The following DGKI variants were observed in gnomAD, a reference collection of about 807,000 sequenced individuals.
DGKI encodes the protein DAG kinase iota.
DGKI carries 55 observed loss-of-function variants against 147.5 expected under a neutral mutation model. That is an observed-to-expected ratio of 0.37 (90% CI 0.30 to 0.47). DGKI has a LOEUF of 0.47. DGKI is among the 20% of genes least tolerant of loss of function. DGKI has a pLI of 1.00. For synonymous variants in DGKI, 469 were observed against 477.1 expected, an observed-to-expected ratio of 0.98 and a Z score of 0.22; for missense variants, 1,007 against 1,323.8, an observed-to-expected ratio of 0.76 and a Z score of 3.71.
intron 20 of DGKI, among the ~76,000 whole-genome samples, chr7:137,547,678 A>C (rs1817910422): frequency 6.6e-6 from 1 of 152,212 alleles, no homozygotes; most frequent in Non-Finnish European, 1.5e-5. Flanking sequence ...ACAGACACTG[A>C]GGATCCTAAG....
intron 1 of DGKI, among the ~76,000 whole-genome samples, chr7:137,800,018 C>T (rs1036683415): frequency 2.6e-5 from 4 of 152,118 alleles, no homozygotes; most frequent in African/African-American, 9.7e-5. Flanking sequence ...GAAGCAAATA[C>T]CAGGGGTGGC....
At chr7:137,466,062 A>C in intron 25 of DGKI, 27 bp from the exon 26 acceptor site, 1 of 1,611,048 alleles carries the variant, frequency 6.2e-7, no homozygotes, top group Non-Finnish European at 8.5e-7. Context: ...AGTCTGTTGC[A>C]TGAAGAATAA....
chr7:137,633,952 G>A (rs1821224041), intron 6 of DGKI, among the ~76,000 whole-genome samples: 1 of 152,212 alleles, frequency 6.6e-6, no homozygotes, highest in Non-Finnish European at 1.5e-5. Context: ...TAAAGCAGAT[G>A]AGCAAGAAGT....
At chr7:137,665,323 C>T (rs1185184894) in intron 3 of DGKI, among the ~76,000 whole-genome samples, 1 of 152,162 alleles carries the variant, frequency 6.6e-6, no homozygotes, top group Non-Finnish European at 1.5e-5. Context: ...ACACCAGCCT[C>T]CACTAAGGTC....
intron 20 of DGKI, among the ~76,000 whole-genome samples, chr7:137,522,713 C>T (rs1334977552): frequency 6.6e-6 from 1 of 152,130 alleles, no homozygotes; most frequent in Non-Finnish European, 1.5e-5. Flanking sequence ...CCCCAAATGT[C>T]TGTAACTCGA....
At chr7:137,677,344 C>T (rs1490690010) in intron 3 of DGKI, among the ~76,000 whole-genome samples, 1 of 152,192 alleles carries the variant, frequency 6.6e-6, no homozygotes, top group Non-Finnish European at 1.5e-5. Context: ...CTCAATGTCA[C>T]ACACTGAGCA....
intron 20 of DGKI, among the ~76,000 whole-genome samples, chr7:137,536,914 TA>T (rs146669017): frequency 4.7e-5 from 7 of 147,780 alleles, no homozygotes; most frequent in East Asian, 4.0e-4. Context: ...CAAAACAAAT[TA>T]AAAAAAAAAC....
At chr7:137,616,554 A>AT (rs1297854661) in intron 8 of DGKI, among the ~76,000 whole-genome samples, 1 of 152,154 alleles carries the variant, frequency 6.6e-6, no homozygotes, top group Non-Finnish European at 1.5e-5. Flanking sequence ...GGGACATGGT[A>AT]TTGTTCCTAA....
rs1585315084 is a variant in DGKI, at chr7:137,638,542, ATATATATGTGTG to A, written c.804+6918_804+6929del. On this transcript the variant is annotated intron_variant, in intron 6 of 32. Coordinates refer to ENST00000614521, the MANE Select transcript of DGKI (RefSeq NM_001321708.2). The stretch of plus-strand genomic sequence containing the variant: ...TATATATATACACACACATATATGT[ATATATATGTGTG>A]TATATATATACACACATATATGTAT... Among the ~76,000 whole-genome samples, 8 of 108,658 alleles carry A rather than the reference ATATATATGTGTG, an allele frequency of 7.4e-5. No individual in the cohort carries two copies. The East Asian group carries it at 2.4e-3, about 32-fold the overall frequency. 71.3% of individuals were successfully genotyped at this position (108,658 alleles called of 152,430 possible).
At chr7:137,750,228 G>T (rs369594488) in intron 1 of DGKI, among the ~76,000 whole-genome samples, 1 of 152,188 alleles carries the variant, frequency 6.6e-6, no homozygotes, top group Non-Finnish European at 1.5e-5. Flanking sequence ...GCAGAGAAAT[G>T]AGATGCACAG....
intron 19 of DGKI, among the ~76,000 whole-genome samples, chr7:137,560,414 C>T (rs10260089): frequency 0.11 from 16,603 of 151,970 alleles, 2,024 homozygotes; most frequent in African/African-American, 0.3. Flanking sequence ...ATTCCTAGTT[C>T]GTTGGGGAAA....
chr7:137,821,956 T>G (rs951090180), intron 1 of DGKI, among the ~76,000 whole-genome samples: 1 of 152,140 alleles, frequency 6.6e-6, no homozygotes, highest in African/African-American at 2.4e-5. Flanking sequence ...CTCTGACTAC[T>G]CCCATGTGCC....
At chr7:137,632,882 C>A (rs1000559310) in intron 6 of DGKI, among the ~76,000 whole-genome samples, 2 of 149,150 alleles carry the variant, frequency 1.3e-5, no homozygotes. Context: ...AACAAACAAA[C>A]AAACAAACAA....
chr7:137,638,567 C>CATAT (rs373273871), intron 6 of DGKI, among the ~76,000 whole-genome samples: 2 of 33,118 alleles, frequency 6.0e-5, no homozygotes, highest in Non-Finnish European at 1.3e-4. Context: ...TATATATACA[C>CATAT]ACATATATGT....
At chr7:137,694,410 C>G (rs1823717791) in intron 1 of DGKI, among the ~76,000 whole-genome samples, 1 of 152,038 alleles carries the variant, frequency 6.6e-6, no homozygotes, top group Non-Finnish European at 1.5e-5. Flanking sequence ...CTCTCAATTT[C>G]CTCTGGTTCC....
intron 6 of DGKI, among the ~76,000 whole-genome samples, chr7:137,626,745 C>T (rs184989274): frequency 4.6e-5 from 7 of 152,260 alleles, no homozygotes; most frequent in African/African-American, 1.2e-4. Context: ...TCCGGTATCA[C>T]GCTCTGCTGA....
At chr7:137,520,733 G>A (rs1816932574) in intron 21 of DGKI, among the ~76,000 whole-genome samples, 1 of 151,934 alleles carries the variant, frequency 6.6e-6, no homozygotes, top group South Asian at 2.1e-4. Flanking sequence ...CAGGGATATG[G>A]CTCCTCACCT....
chr7:137,729,469 T>G (rs1398358826), intron 1 of DGKI, among the ~76,000 whole-genome samples: 1 of 152,136 alleles, frequency 6.6e-6, no homozygotes, highest in African/African-American at 2.4e-5. Context: ...TCCAAGGATA[T>G]TCCTATATTT....
At chr7:137,831,906 T>C (rs374175919) in intron 1 of DGKI, among the ~76,000 whole-genome samples, 1 of 152,308 alleles carries the variant, frequency 6.6e-6, no homozygotes, top group East Asian at 1.9e-4. Flanking sequence ...CCATTCCAAA[T>C]GGGAGAGACT....
Sources: gnomAD v4.1 joint callset for allele counts (sites outside exome capture counted in the v4.1 genomes callset) on GRCh38, gnomAD v4.1.1 for gene constraint, MANE v1.5 for transcripts, NCBI Gene and HGNC (gene_info 2026-07-23, HGNC 2026-07-21) for gene names.